The following NFIC variants were observed in gnomAD, a reference collection of about 807,000 sequenced individuals.
NFIC encodes nuclear factor 1 C-type.
Under a neutral mutation model 54.4 loss-of-function variants are expected in NFIC, and 12 were observed. The observed-to-expected ratio is 0.22, with a 90% CI of 0.14 to 0.36. The LOEUF is 0.36. Ranked by LOEUF, NFIC falls within the 10% of genes least tolerant of loss-of-function variation. The pLI, the probability that NFIC is intolerant of heterozygous loss-of-function variation, is 1.00. For synonymous variants in NFIC, 322 were observed against 319.2 expected (o/e 1.01, Z -0.09); for missense variants, 575 against 718.2 (o/e 0.80, Z 2.28).
At chr19:3,400,512 G>A (rs750717531) in intron 2 of NFIC, among the ~76,000 whole-genome samples, 1 of 151,978 alleles carries the variant, frequency 6.6e-6, no homozygotes, top group Non-Finnish European at 1.5e-5. Flanking sequence ...GGAACTCACA[G>A]TTTGGTTCAG....
At chr19:3,411,897 G>A (rs949456868) in intron 2 of NFIC, among the ~76,000 whole-genome samples, 1 of 152,064 alleles carries the variant, frequency 6.6e-6, no homozygotes, top group African/African-American at 2.4e-5. Context: ...GTTTGTCCGC[G>A]CCGTCAGTGC....
chr19:3,467,898 G>A lies in NFIC; in HGVS notation c.*5129G>A, dbSNP rs774678262. 1 of 151,028 alleles carries A rather than the reference G, an allele frequency of 6.6e-6. No individual in the cohort carries two copies. The highest frequency in any genetic ancestry group is 1.5e-5 in the Non-Finnish European group (1 of 67,834). The allele number at this position is 151,028 out of a possible 1,614,324, so 9.4% of individuals were successfully genotyped here. Reference sequence around the variant, plus strand: ...TTTTACTTTCTCTTTGGAGGGCGCTGGGACATACATCTCTCAATCCAGCTT... The same window carrying A: ...TTTTACTTTCTCTTTGGAGGGCGCTAGGACATACATCTCTCAATCCAGCTT... On this transcript the variant is annotated 3_prime_UTR_variant, in exon 11 of 11. Transcript: ENST00000443272.
chr19:3,433,220 C>G (rs2082148693), intron 3 of NFIC, among the ~76,000 whole-genome samples: 1 of 152,252 alleles, frequency 6.6e-6, no homozygotes, highest in Admixed American at 6.5e-5. Context: ...CTGCCTCGGC[C>G]TCCCACAGTG....
intron 3 of NFIC, among the ~76,000 whole-genome samples, chr19:3,431,068 T>C (rs2082112961): frequency 6.6e-6 from 1 of 152,100 alleles, no homozygotes. Flanking sequence ...AGCCTCGTTC[T>C]TTTATTTTTA....
chr19:3,387,360 G>T (rs1402847219), intron 2 of NFIC, among the ~76,000 whole-genome samples: 1 of 152,148 alleles, frequency 6.6e-6, no homozygotes, highest in Admixed American at 6.6e-5. Flanking sequence ...AAATTAGCCG[G>T]GCGTGGTGGC....
At chr19:3,386,615 G>A (rs141097328) in intron 2 of NFIC, among the ~76,000 whole-genome samples, 11,915 of 152,128 alleles carry the variant, frequency 0.078, 547 homozygotes, top group South Asian at 0.14. Flanking sequence ...GAGCCACCGC[G>A]CCCGGCCTGT....
intron 6 of NFIC, 91 bp downstream of exon 6, chr19:3,435,298 C>T (rs2082182946): frequency 4.9e-6 from 7 of 1,433,372 alleles, no homozygotes; most frequent in Admixed American, 2.6e-5. Context: ...GCGGGCGCCG[C>T]GGGGCAGGAA....
chr19:3,359,744 C>A, intron 1 of NFIC: 2 of 1,374,802 alleles, frequency 1.5e-6, no homozygotes, highest in South Asian at 1.6e-5. Context: ...GGTGCGTGGG[C>A]TCCGGGCGAA....
intron 3 of NFIC, among the ~76,000 whole-genome samples, 184 bp from the exon 4 acceptor site, chr19:3,433,334 C>T (rs1188514815): frequency 6.6e-6 from 1 of 152,242 alleles, no homozygotes; most frequent in African/African-American, 2.4e-5. Context: ...AAGGCCCACA[C>T]TGGACAAGGA....
rs752160813 is a variant in NFIC, at chr19:3,425,111, G to C, written c.568G>C (p.Glu190Gln). The C allele has an allele frequency of 8.7e-6, 14 of 1,613,336 alleles. No homozygotes were observed. Among genetic ancestry groups the C allele is most frequent in the Non-Finnish European group, 1.2e-5 (14 of 1,179,972 alleles). Residue 190 changes from glutamate (E) to glutamine (Q), a missense_variant, in exon 3 of 11, where the codon GAG (glutamate) becomes CAG (glutamine). Around this residue, in one of 3 missense-constraint regions of NFIC, gnomAD observed 447 missense variants for 526.9 expected, o/e 0.85. Transcript: ENST00000443272. ...LAYFVRERDA[E>Q]QSGSPRTGMG... ...TTTCTTCCCTCTCTTTGCAGATGCA[G>C]AGCAAAGCGGCAGTCCCCGGACAGG...
intron 3 of NFIC, among the ~76,000 whole-genome samples, chr19:3,427,435 A>G (rs1335355881): frequency 6.6e-6 from 1 of 152,176 alleles, no homozygotes; most frequent in Non-Finnish European, 1.5e-5. Flanking sequence ...GTGGGTGCTC[A>G]ATAAATACTT....
Position 3,467,772 on chromosome 19 carries a change from T to TATAC in NFIC, c.*5006_*5007insCATA, listed in dbSNP as rs1287613874. ...GCTATACTATACATATATATATATA[T>TATAC]ATATATATATATATATAATTTTGGA... is the stretch of plus-strand genomic sequence containing the variant. On this transcript the variant is annotated 3_prime_UTR_variant, in exon 11 of 11. Transcript: ENST00000443272. The TATAC allele has an allele frequency of 1.5e-5, 2 of 133,230 alleles. No individual in the cohort carries two copies. The highest frequency in any genetic ancestry group is 3.1e-5 in the Non-Finnish European group (2 of 64,314). 8.3% of individuals were successfully genotyped at this position (133,230 alleles called of 1,614,324 possible). A position where few individuals can be genotyped will look rare whatever the true frequency, so the allele number is the denominator to read the frequency against.
rs921242642 is a variant in NFIC at position 3,414,582 on chromosome 19, G to A, written c.563-10524G>A. Among the ~76,000 whole-genome samples the A allele has an allele frequency of 4.0e-5, 6 of 149,978 alleles. No homozygotes were observed. The East Asian group carries it at 5.9e-4, about 15-fold the overall frequency. On this transcript the variant is annotated intron_variant, in intron 2 of 10. Coordinates refer to ENST00000443272, the MANE Select transcript of NFIC (RefSeq NM_001245002.2). ...CGCACTCCAGTCTGGGAGACGGGGC[G>A]AGACTGCATCTAAAATAAAATAAAA... is the stretch of plus-strand genomic sequence containing the variant.
intron 2 of NFIC, among the ~76,000 whole-genome samples, chr19:3,394,525 C>CCCCCCCG (rs2081429988): frequency 3.6e-5 from 2 of 54,826 alleles, no homozygotes; most frequent in Admixed American, 2.0e-4. Context: ...CCCCACCCAC[C>CCCCCCCG]CCCCACCCGC....
At position 3,456,649 on chromosome 19, in the gene NFIC, G is replaced by A; in HGVS notation, c.1509+14G>A. ...TATCAGGCACAGGTAGGGGCCGAGA[G>A]GCCGGCTGGTGGGGTGGGAGGGGCA... is the stretch of plus-strand genomic sequence containing the variant. On this transcript the variant is annotated intron_variant, in intron 10 of 10. Transcript: ENST00000443272. 6.5e-7 allele frequency: 1 copy of A among 1,549,370 alleles called. No homozygotes were observed. Among genetic ancestry groups the A allele is most frequent in the Admixed American group, 2.0e-5 (1 of 51,036 alleles).
chr19:3,393,239 A>G (rs186182150), intron 2 of NFIC, among the ~76,000 whole-genome samples: 1 of 152,232 alleles, frequency 6.6e-6, no homozygotes, highest in African/African-American at 2.4e-5. Context: ...TCCCATCTTT[A>G]GGTCCGCTTG....
chr19:3,359,940 C>G (rs2145407224), intron 1 of NFIC, among the ~76,000 whole-genome samples: 1 of 150,296 alleles, frequency 6.7e-6, no homozygotes, highest in Admixed American at 6.6e-5. Flanking sequence ...GCGGGCGCCG[C>G]GAGTTGGCGA....
rs544236515 is a variant in NFIC at position 3,408,002 on chromosome 19, C to T, written c.563-17104C>T. On this transcript the variant is annotated intron_variant, in intron 2 of 10. Transcript: ENST00000443272. ...TCGCCGGGTAATGTTTAAAAATGGC[C>T]GGTGACACCCAGTAGCTGGGAATTC... Among the ~76,000 whole-genome samples the T allele has an allele frequency of 1.3e-3, 193 of 152,280 alleles. 2 individuals are homozygous for T. Among genetic ancestry groups the T allele is most frequent in the African/African-American group, 4.2e-3 (176 of 41,554 alleles).
At position 3,379,673 on chromosome 19, in the gene NFIC, CTTTTTTTTT is replaced by C. The variant is rs370082450; in HGVS notation, c.31-2024_31-2016del. ...ATTTTTCATTTTTTTTTATTTCTTT[CTTTTTTTTT>C]TTTTTTTTTTTTTTGAGTCAGGAGT... On this transcript the variant is annotated intron_variant, in intron 1 of 10. Coordinates refer to ENST00000443272, the MANE Select transcript of NFIC (RefSeq NM_001245002.2). Among the ~76,000 whole-genome samples the C allele has an allele frequency of 2.1e-3, 212 of 102,506 alleles. 1 individual carries two copies. Among genetic ancestry groups the C allele is most frequent in the Non-Finnish European group, 2.8e-3 (158 of 56,872 alleles). 67.2% of individuals were successfully genotyped at this position (102,506 alleles called of 152,430 possible).
Sources: gnomAD v4.1 joint callset for allele counts (sites outside exome capture counted in the v4.1 genomes callset) on GRCh38, gnomAD v4.1.1 for gene constraint, gnomAD v4.1.1 regional missense constraint, MANE v1.5 for transcripts, NCBI Gene and HGNC (gene_info 2026-07-23, HGNC 2026-07-21) for gene names.